CRYBG3: variants seen among roughly 807,000 people sequenced by gnomAD.
CRYBG3 encodes very large A-kinase anchor protein.
Under a neutral mutation model 244.2 loss-of-function variants are expected in CRYBG3, and 127 were observed. That is an observed-to-expected ratio of 0.52 (90% CI 0.45 to 0.60). CRYBG3 has a LOEUF of 0.60. Ranked by LOEUF, CRYBG3 falls within the 20% of genes least tolerant of loss-of-function variation. The pLI, the probability that CRYBG3 is intolerant of heterozygous loss-of-function variation, is 0.00. For missense variants in CRYBG3, 3,325 were observed against 3,442.5 expected (o/e 0.97, Z 0.85); for synonymous variants, 1,132 against 1,195.8 (o/e 0.95, Z 1.10).
intron 2 of CRYBG3, among the ~76,000 whole-genome samples, chr3:97,852,350 C>A (rs1230866942): frequency 6.6e-6 from 1 of 152,188 alleles, no homozygotes; most frequent in Non-Finnish European, 1.5e-5. Context: ...TTCAGTCTCA[C>A]ATTCTGCAGA....
At chr3:97,923,097 C>G (rs545228363) in intron 17 of CRYBG3, among the ~76,000 whole-genome samples, 27 of 152,170 alleles carry the variant, frequency 1.8e-4, no homozygotes, top group Non-Finnish European at 3.4e-4. Flanking sequence ...GACAGAGAAC[C>G]AAACACCACA....
At chr3:97,907,072 A>T (rs1165677371) in intron 15 of CRYBG3, among the ~76,000 whole-genome samples, 4 of 152,212 alleles carry the variant, frequency 2.6e-5, no homozygotes, top group African/African-American at 9.7e-5. Flanking sequence ...ATATTGAAAC[A>T]GCCTTGCATC....
rs2039328145 is a variant in CRYBG3 at position 97,873,330 on chromosome 3, A to T, written c.2136A>T (p.Ala712=). Residue 712 remains alanine, a synonymous_variant, in exon 4 of 22, where the codon GCA becomes GCT. Coordinates refer to ENST00000389622, the MANE Select transcript of CRYBG3 (RefSeq NM_153605.4). Reference sequence around the variant, plus strand: ...ATGTGAAAAACCATGTTGAGGCTGCAGGCAGGAAGAGTCCTCCTCCTTCCT... The same window carrying T: ...ATGTGAAAAACCATGTTGAGGCTGCTGGCAGGAAGAGTCCTCCTCCTTCCT... ...EENVKNHVEA[A]GRKSPPPSFC... 8 of 1,535,944 alleles carry T rather than the reference A, an allele frequency of 5.2e-6. 1 individual carries two copies. The African/African-American group carries it at 9.6e-5, about 18-fold the overall frequency.
intron 2 of CRYBG3, among the ~76,000 whole-genome samples, chr3:97,854,559 T>C (rs2039037526): frequency 6.6e-6 from 1 of 151,934 alleles, no homozygotes; most frequent in African/African-American, 2.4e-5. Context: ...TGTAGAGATC[T>C]TTCACCTCCT....
At chr3:97,885,759 G>A (rs1375669416) in intron 7 of CRYBG3, among the ~76,000 whole-genome samples, 3 of 152,054 alleles carry the variant, frequency 2.0e-5, no homozygotes, top group Non-Finnish European at 4.4e-5. Context: ...TGGATCACTA[G>A]TTTGGTGTCC....
At chr3:97,826,931 C>G (rs1484583699) in intron 1 of CRYBG3, among the ~76,000 whole-genome samples, 5 of 152,198 alleles carry the variant, frequency 3.3e-5, no homozygotes, top group Non-Finnish European at 7.3e-5. Context: ...TGTATGAGAA[C>G]TTTAACTGGG....
chr3:97,832,043 A>G (rs1409299807), intron 1 of CRYBG3, among the ~76,000 whole-genome samples: 1 of 152,116 alleles, frequency 6.6e-6, no homozygotes, highest in Non-Finnish European at 1.5e-5. Flanking sequence ...ATTGAACTCC[A>G]TAACCTAACC....
intron 2 of CRYBG3, among the ~76,000 whole-genome samples, chr3:97,847,377 A>G (rs2038919136): frequency 6.6e-6 from 1 of 152,252 alleles, no homozygotes; most frequent in South Asian, 2.1e-4. Context: ...AGTGTTAAAC[A>G]GAATTTGTAT....
Position 97,880,047 on chromosome 3 carries a change from T to G in CRYBG3, c.6951T>G (p.Asp2317Glu). ...AAGAAGTCTACTGTAATATTCCTGA[T>G]GCTACATCATGGTCTTTTCCAAATG... ...YKQEVYCNIP[D>E]ATSWSFPNGV... The change falls in exon 6 of 22, where the codon GAT becomes GAG. Residue 2317 changes from aspartate (D) to glutamate (E), a missense_variant. Physicochemically the swap from Asp to Glu is conservative, Grantham distance 45. Transcript: ENST00000389622. 1 of 1,603,910 alleles carries G rather than the reference T, an allele frequency of 6.2e-7. No homozygotes were observed. Among genetic ancestry groups the G allele is most frequent in the Non-Finnish European group, 8.5e-7 (1 of 1,173,320 alleles).
At chr3:97,903,359 A>C (rs1006091710) in intron 15 of CRYBG3, among the ~76,000 whole-genome samples, 2 of 152,216 alleles carry the variant, frequency 1.3e-5, no homozygotes, top group Non-Finnish European at 2.9e-5. Flanking sequence ...GAGCCAAATC[A>C]CAGAAATACT....
chr3:97,930,667 G>T (rs1364262097), intron 17 of CRYBG3, among the ~76,000 whole-genome samples: 1 of 151,992 alleles, frequency 6.6e-6, no homozygotes, highest in Admixed American at 6.6e-5. Flanking sequence ...CAACACCATA[G>T]CACTAGCCAC....
chr3:97,936,348 G>A (rs959985908), intron 18 of CRYBG3, among the ~76,000 whole-genome samples: 7 of 152,026 alleles, frequency 4.6e-5, no homozygotes, highest in Non-Finnish European at 1.0e-4. Context: ...GGGAAGCTGT[G>A]GAGGGAGGAG....
At chr3:97,823,465 T>A (rs977398987) in intron 1 of CRYBG3, among the ~76,000 whole-genome samples, 6 of 152,360 alleles carry the variant, frequency 3.9e-5, no homozygotes, top group African/African-American at 1.4e-4. Flanking sequence ...TGTGAAACAT[T>A]TTCATTATGA....
Position 97,890,062 on chromosome 3 carries a change from A to G in CRYBG3, c.7440+672A>G, listed in dbSNP as rs1351421010. ...ATTCATTCGTCTTCCTCTTCTCTAAAGCAAGATGCAACTCCTTCAACTCTC... is the reference window on the plus strand; with the variant it reads ...ATTCATTCGTCTTCCTCTTCTCTAAGGCAAGATGCAACTCCTTCAACTCTC... On this transcript the variant is annotated intron_variant, in intron 10 of 21. Coordinates refer to ENST00000389622, the MANE Select transcript of CRYBG3 (RefSeq NM_153605.4). Among the ~76,000 whole-genome samples, 3 of 152,324 alleles carry G rather than the reference A, an allele frequency of 2.0e-5. No homozygotes were observed. In the East Asian group the frequency reaches 5.8e-4, roughly 29 times the overall value.
chr3:97,894,498 GAGGAATCTGGGGAA>G (rs1337444667), intron 11 of CRYBG3, among the ~76,000 whole-genome samples: 1 of 152,054 alleles, frequency 6.6e-6, no homozygotes, highest in Non-Finnish European at 1.5e-5. Flanking sequence ...GTACCACCTT[GAGGAATCTGGGGAA>G]AGTAAAACTA....
At chr3:97,861,289 T>C (rs569640928) in intron 2 of CRYBG3, among the ~76,000 whole-genome samples, 70 of 152,306 alleles carry the variant, frequency 4.6e-4, no homozygotes, top group African/African-American at 9.1e-4. Flanking sequence ...TTATCTTCTA[T>C]GCAAAGAAGG....
chr3:97,930,003 G>T (rs879299057), intron 17 of CRYBG3, among the ~76,000 whole-genome samples: 1 of 151,986 alleles, frequency 6.6e-6, no homozygotes, highest in African/African-American at 2.4e-5. Flanking sequence ...AAATATCTTT[G>T]TAGGCATTCT....
chr3:97,931,044 A>G (rs975569881), intron 17 of CRYBG3, among the ~76,000 whole-genome samples: 3 of 151,786 alleles, frequency 2.0e-5, no homozygotes, highest in Non-Finnish European at 2.9e-5. Context: ...GCTTCTCTCT[A>G]TTCCACTAAC....
intron 11 of CRYBG3, among the ~76,000 whole-genome samples, chr3:97,894,641 G>A (rs1390127046): frequency 1.3e-5 from 2 of 152,082 alleles, no homozygotes; most frequent in East Asian, 3.8e-4. Context: ...TTATTGGACT[G>A]TCATATAATA....
Sources: allele counts gnomAD v4.1 joint callset (sites outside exome capture counted in the v4.1 genomes callset), GRCh38; gene constraint gnomAD v4.1.1; transcripts MANE v1.5; gene names NCBI Gene and HGNC (gene_info 2026-07-23, HGNC 2026-07-21).